Variants in SASH3 observed in about 807,000 individuals in gnomAD.
The protein encoded by SASH3 is SAM and SH3 domain containing 3.
Under a neutral mutation model 26.1 loss-of-function variants are expected in SASH3, and 7 were observed. The ratio of observed to expected loss-of-function variants is 0.27; its 90% CI spans 0.15 to 0.50. The LOEUF (loss-of-function observed/expected upper bound fraction) is 0.50, where lower values mean the gene tolerates loss of function less well. Ranked by LOEUF, SASH3 falls within the 20% of genes least tolerant of loss-of-function variation. The pLI is 0.98. For missense variants in SASH3, 231 were observed against 318.3 expected (o/e 0.73, Z 2.09); for synonymous variants, 138 against 136.8 (o/e 1.01, Z -0.06).
chrX:129,783,016 C>A (rs759296594), intron 1 of SASH3, among the ~76,000 whole-genome samples: 1 of 111,751 alleles, frequency 8.9e-6, no homozygotes, highest in South Asian at 3.7e-4. Flanking sequence ...CCTAAGGATG[C>A]TCCTACTCTA....
At chrX:129,782,093 C>A (rs1481768279) in intron 1 of SASH3, among the ~76,000 whole-genome samples, 1 of 112,434 alleles carries the variant, frequency 8.9e-6, no homozygotes, top group Non-Finnish European at 1.9e-5. Context: ...ATGTGCCAGA[C>A]AGGGGGCAAG....
Position 129,792,854 on chromosome X carries a change from A to G in SASH3, c.801+18A>G. The G allele has an allele frequency of 8.5e-7, 1 of 1,178,803 alleles. No homozygotes were observed. Among genetic ancestry groups the G allele is most frequent in the Non-Finnish European group, 1.1e-6 (1 of 878,654 alleles). The stretch of plus-strand genomic sequence containing the variant: ...GCCTGGAGGTTTGAGCTTGGTCCTC[A>G]CTAGTATCTAGTATCAGGGAGGCAC... On this transcript the variant is annotated intron_variant, in intron 6 of 7. Transcript: ENST00000356892.
At chrX:129,784,276 A>G (rs949283333) in intron 1 of SASH3, among the ~76,000 whole-genome samples, 3 of 111,927 alleles carry the variant, frequency 2.7e-5, no homozygotes, top group African/African-American at 9.8e-5. Context: ...ACTGTCTCCT[A>G]CCTGGGTACT....
intron 1 of SASH3, among the ~76,000 whole-genome samples, chrX:129,783,885 G>A (rs1927060901): frequency 9.0e-6 from 1 of 111,601 alleles, no homozygotes; most frequent in Non-Finnish European, 1.9e-5. Flanking sequence ...ATCAGGGCAT[G>A]GTTTCTGCAT....
chrX:129,787,774 G>A (rs2124076849), intron 1 of SASH3, among the ~76,000 whole-genome samples: 1 of 111,811 alleles, frequency 8.9e-6, no homozygotes, highest in South Asian at 3.7e-4. Context: ...CTTGGTCTGT[G>A]GCCAGGGCTG....
At chrX:129,791,243 A>C (rs1927226418) in intron 4 of SASH3, among the ~76,000 whole-genome samples, 162 bp downstream of exon 4, 1 of 112,119 alleles carries the variant, frequency 8.9e-6, no homozygotes, top group African/African-American at 3.2e-5. Flanking sequence ...TCTTCTCAAC[A>C]ACCTCATGGG....
At chrX:129,785,378 C>T (rs1927089403) in intron 1 of SASH3, among the ~76,000 whole-genome samples, 1 of 111,723 alleles carries the variant, frequency 9.0e-6, no homozygotes, top group Non-Finnish European at 1.9e-5. Flanking sequence ...GGCAAAATGC[C>T]ACCCTGGAGG....
chrX:129,793,291 G>C (rs1294791056), intron 7 of SASH3, 152 bp downstream of exon 7: 6 of 675,898 alleles, frequency 8.9e-6, no homozygotes, highest in Non-Finnish European at 1.3e-5. Context: ...GAATTTCAGG[G>C]AAAGTGTACG....
intron 1 of SASH3, among the ~76,000 whole-genome samples, 179 bp from the exon 2 acceptor site, chrX:129,787,796 G>A (rs956491161): frequency 9.0e-6 from 1 of 111,577 alleles, no homozygotes; most frequent in African/African-American, 3.3e-5. Context: ...GGTGAAGAAT[G>A]GAATGAAACC....
chrX:129,780,537 C>T lies in SASH3; in HGVS notation c.57+383C>T, dbSNP rs192044404. The stretch of plus-strand genomic sequence containing the variant: ...CTCCTCTACGCTGGTCCTGCTGCCA[C>T]TTCTGCCCCGGCCACGGCCTCTCAG... On this transcript the variant is annotated intron_variant, in intron 1 of 7. Transcript: ENST00000356892. Among the ~76,000 whole-genome samples, 505 of 112,862 alleles carry T rather than the reference C, an allele frequency of 4.5e-3. 1 individual carries two copies. The highest frequency in any genetic ancestry group is 0.015 in the African/African-American group (464 of 31,136).
chrX:129,784,024 G>A (rs1927063063), intron 1 of SASH3, among the ~76,000 whole-genome samples: 1 of 111,292 alleles, frequency 9.0e-6, no homozygotes, highest in Admixed American at 9.5e-5. Context: ...CATGTAGACA[G>A]CACTTAGATC....
chrX:129,780,737 G>A (rs1370442675), intron 1 of SASH3, among the ~76,000 whole-genome samples: 1 of 113,197 alleles, frequency 8.8e-6, no homozygotes, highest in Non-Finnish European at 1.9e-5. Context: ...ATGGGGGCCT[G>A]AGGCCATTCC....
chrX:129,789,647 A>G (rs1927196320), intron 3 of SASH3, among the ~76,000 whole-genome samples: 1 of 110,244 alleles, frequency 9.1e-6, no homozygotes. Flanking sequence ...CAAAAAAAAG[A>G]AAAAAAAAGA....
chrX:129,788,737 C>T (rs1428212974), intron 3 of SASH3, among the ~76,000 whole-genome samples, 160 bp downstream of exon 3: 1 of 111,657 alleles, frequency 9.0e-6, no homozygotes, highest in East Asian at 2.8e-4. Context: ...CTTGCAGCCA[C>T]GGACAGGCAG....
chrX:129,786,720 G>A (rs976784468), intron 1 of SASH3, among the ~76,000 whole-genome samples: 1 of 112,145 alleles, frequency 8.9e-6, no homozygotes, highest in Admixed American at 9.4e-5. Flanking sequence ...CACTAGACTG[G>A]GCTCGGTGGC....
chrX:129,784,153 C>T (rs769539317), intron 1 of SASH3, among the ~76,000 whole-genome samples: 47 of 110,639 alleles, frequency 4.2e-4, no homozygotes, highest in African/African-American at 1.5e-3. Context: ...TGAGCTCTGC[C>T]AGGCTTTGAA....
intron 1 of SASH3, among the ~76,000 whole-genome samples, chrX:129,784,728 A>T (rs1008104066): frequency 9.0e-6 from 1 of 111,325 alleles, no homozygotes; most frequent in Admixed American, 9.6e-5. Context: ...TCACAAATCC[A>T]GAGTTGAACT....
At position 129,792,483 on chromosome X, in the gene SASH3, T is replaced by C. The variant is rs200382091; in HGVS notation, c.591+7T>C. The C allele has an allele frequency of 7.4e-4, 898 of 1,210,054 alleles. 8 individuals are homozygous for C. The highest frequency in any genetic ancestry group is 1.1e-4 in the Non-Finnish European group (100 of 895,144). On this transcript the variant is annotated splice_region_variant and intron_variant, in intron 5 of 7. Coordinates refer to ENST00000356892, the MANE Select transcript of SASH3 (RefSeq NM_018990.4). ...CGACTCGCTGAAACTGCAGGTAAGATCAGCATCCGGGCTTCTCTGGAGCCT... is the reference window on the plus strand; with the variant it reads ...CGACTCGCTGAAACTGCAGGTAAGACCAGCATCCGGGCTTCTCTGGAGCCT...
chrX:129,792,488 A>G lies in SASH3; in HGVS notation c.591+12A>G. The G allele has an allele frequency of 1.7e-6, 2 of 1,211,843 alleles. No homozygotes were observed. Among genetic ancestry groups the G allele is most frequent in the Non-Finnish European group, 2.2e-6 (2 of 895,364 alleles). On this transcript the variant is annotated intron_variant, in intron 5 of 7. Transcript: ENST00000356892. Reference sequence around the variant, plus strand: ...CGCTGAAACTGCAGGTAAGATCAGCATCCGGGCTTCTCTGGAGCCTGGCAG... The same window carrying G: ...CGCTGAAACTGCAGGTAAGATCAGCGTCCGGGCTTCTCTGGAGCCTGGCAG...
Sources: allele counts gnomAD v4.1 joint callset (sites outside exome capture counted in the v4.1 genomes callset), GRCh38; gene constraint gnomAD v4.1.1; transcripts MANE v1.5; gene names NCBI Gene and HGNC (gene_info 2026-07-23, HGNC 2026-07-21).